Variants in NKD1 observed in about 807,000 individuals in gnomAD.
NKD1 encodes the protein NKD inhibitor of Wnt signaling pathway 1.
Under a neutral mutation model 56.0 loss-of-function variants are expected in NKD1, and 21 were observed. That is an observed-to-expected ratio of 0.38 (90% CI 0.27 to 0.54). The LOEUF is 0.54. Ranked by LOEUF, NKD1 falls within the 20% of genes least tolerant of loss-of-function variation. The pLI, the probability that NKD1 is intolerant of heterozygous loss-of-function variation, is 0.82. For synonymous variants in NKD1, 263 were observed against 265.7 expected (o/e 0.99, Z 0.10); for missense variants, 578 against 642.7 (o/e 0.90, Z 1.09).
At chr16:50,606,942 G>A (rs759539302) in intron 3 of NKD1, 15 of 456,568 alleles carry the variant, frequency 3.3e-5, no homozygotes, top group Non-Finnish European at 4.8e-5. Flanking sequence ...TCCTGTCATC[G>A]TCTCCCAGCT....
chr16:50,582,349 T>A (rs575689565), intron 3 of NKD1, among the ~76,000 whole-genome samples: 7 of 152,340 alleles, frequency 4.6e-5, no homozygotes, highest in African/African-American at 1.7e-4. Context: ...GAGAGAGAGC[T>A]GCCCCCTCCC....
In NKD1 at chr16:50,632,146, C is replaced by G. The variant is rs878999230; in HGVS notation, c.696-135C>G. ...ACAGTTCGTATAGAGGACTGTTCCT[C>G]CCCACCCTCTCCAAAGGCCAAGAAG... is the stretch of plus-strand genomic sequence containing the variant. On this transcript the variant is annotated intron_variant, in intron 8 of 9. Transcript: ENST00000268459. The surrounding 1 kb of genome is among the most constrained non-coding windows in gnomAD (Gnocchi z 4.1). 1.3e-6 allele frequency: 1 copy of G among 796,838 alleles called. No homozygotes were observed. The highest frequency in any genetic ancestry group is 2.0e-6 in the Non-Finnish European group (1 of 498,950). The allele number at this position is 796,838 out of a possible 1,614,324, so 49.4% of individuals were successfully genotyped here. A position where few individuals can be genotyped will look rare whatever the true frequency, so the allele number is the denominator to read the frequency against.
In NKD1 at chr16:50,640,070, C is replaced by T. The variant is rs1962550583; in HGVS notation, c.*6289C>T. 1 of 152,168 alleles carries T rather than the reference C, an allele frequency of 6.6e-6. No individual in the cohort carries two copies. Among genetic ancestry groups the T allele is most frequent in the South Asian group, 2.1e-4 (1 of 4,830 alleles). The allele number at this position is 152,168 out of a possible 1,614,324, so 9.4% of individuals were successfully genotyped here. A position where few individuals can be genotyped will look rare whatever the true frequency, so the allele number is the denominator to read the frequency against. ...TGTTTTGGGGTCACATCTGGTCATA[C>T]CCTTCAGAGAGCTCTTCCCCAGCCT... is the stretch of plus-strand genomic sequence containing the variant. On this transcript the variant is annotated 3_prime_UTR_variant, in exon 10 of 10. Coordinates refer to ENST00000268459, the MANE Select transcript of NKD1 (RefSeq NM_033119.5).
intron 3 of NKD1, chr16:50,570,881 C>A (rs1366268033): frequency 1.9e-5 from 19 of 985,264 alleles, no homozygotes; most frequent in Non-Finnish European, 2.3e-5. Context: ...TGGAATGTGG[C>A]TGGCAGGTAT....
intron 2 of NKD1, 115 bp from the exon 3 acceptor site, chr16:50,549,307 C>T (rs1269118264): frequency 7.3e-7 from 1 of 1,365,842 alleles, no homozygotes; most frequent in Non-Finnish European, 9.9e-7. Flanking sequence ...CGAACCCCCT[C>T]CTGGCCCCCG....
In NKD1 at chr16:50,621,670, G is replaced by A. The variant is rs199950234; in HGVS notation, c.328G>A (p.Glu110Lys). 1.1e-5 allele frequency: 18 copies of A among 1,614,042 alleles called. No homozygotes were observed. Among genetic ancestry groups the A allele is most frequent in the African/African-American group, 8.0e-5 (6 of 75,070 alleles). Residue 110 changes from glutamate to lysine, a missense_variant, in exon 5 of 10, where the codon GAA becomes AAA. By Grantham distance (56) the Glu-to-Lys change is moderately conservative. Coordinates refer to ENST00000268459, the MANE Select transcript of NKD1 (RefSeq NM_033119.5). ...TGAGAAGAAGATGGAGAGAGTGAGC[G>A]AACCCTGCCCAGGCTCCAAGAAGCA... ...GDEKKMERVS[E>K]PCPGSKKQLK...
rs138964473 is a variant in NKD1 at position 50,598,262 on chromosome 16, T to TGTGTGTGTGTGCGC, written c.193-10031_193-10030insTGTGTGTGTGCGCG. Among the ~76,000 whole-genome samples, 97 of 148,660 alleles carry TGTGTGTGTGTGCGC rather than the reference T, an allele frequency of 6.5e-4. 1 individual carries two copies. Among genetic ancestry groups the TGTGTGTGTGTGCGC allele is most frequent in the African/African-American group, 2.0e-3 (78 of 39,156 alleles). ...GTGTGTGTGTGTGTGTGTGTGTGTG[T>TGTGTGTGTGTGCGC]GCGCGCACACCTGTGCTCATGGACA... is the stretch of plus-strand genomic sequence containing the variant. On this transcript the variant is annotated intron_variant, in intron 3 of 9. Transcript: ENST00000268459. The surrounding 1 kb of genome is among the most constrained non-coding windows in gnomAD (Gnocchi z 4.2).
At chr16:50,611,969 G>A (rs2151276385) in intron 4 of NKD1, among the ~76,000 whole-genome samples, 1 of 152,246 alleles carries the variant, frequency 6.6e-6, no homozygotes, top group Non-Finnish European at 1.5e-5. Flanking sequence ...GTCAGCCCGT[G>A]TTTATAATCA....
At position 50,575,482 on chromosome 16, in the gene NKD1, A is replaced by G. The variant is rs899031295; in HGVS notation, c.192+25927A>G. On this transcript the variant is annotated intron_variant, in intron 3 of 9. Coordinates refer to ENST00000268459, the MANE Select transcript of NKD1 (RefSeq NM_033119.5). ...CCCTTTGACAGGTGATCTTGTGGCA[A>G]TATTCCCCCCAGAAATAACGTGGGC... 7.5e-6 allele frequency: 3 copies of G among 400,224 alleles called. No individual in the cohort carries two copies. The South Asian group carries it at 3.1e-4, about 41-fold the overall frequency. 24.8% of individuals were successfully genotyped at this position (400,224 alleles called of 1,614,324 possible). A position where few individuals can be genotyped will look rare whatever the true frequency, so the allele number is the denominator to read the frequency against.
intron 4 of NKD1, among the ~76,000 whole-genome samples, chr16:50,617,824 T>C (rs930203443): frequency 1.3e-5 from 2 of 152,216 alleles, no homozygotes; most frequent in African/African-American, 4.8e-5. Flanking sequence ...TAGGTGAAAC[T>C]GTCTGTGCCC....
chr16:50,590,405 G>A, intron 3 of NKD1, among the ~76,000 whole-genome samples: 1 of 152,222 alleles, frequency 6.6e-6, no homozygotes, highest in Non-Finnish European at 1.5e-5. Context: ...TGCTAAAGAT[G>A]TTTAGAAACA....
At chr16:50,599,082 G>A (rs966620896) in intron 3 of NKD1, among the ~76,000 whole-genome samples, 2 of 152,098 alleles carry the variant, frequency 1.3e-5, no homozygotes, top group Non-Finnish European at 2.9e-5. Flanking sequence ...CTCTGCAGCC[G>A]GCCAGAAGTG....
chr16:50,615,163 C>CA (rs1346722251), intron 4 of NKD1, among the ~76,000 whole-genome samples: 1 of 152,128 alleles, frequency 6.6e-6, no homozygotes, highest in Non-Finnish European at 1.5e-5. Flanking sequence ...CAGGTGTCAG[C>CA]TATTGTGGTC....
Position 50,602,172 on chromosome 16 carries a change from G to A in NKD1, c.193-6122G>A, listed in dbSNP as rs372775820. Among the ~76,000 whole-genome samples the A allele has an allele frequency of 9.2e-5, 14 of 152,336 alleles. No homozygotes were observed. In the South Asian group the frequency reaches 2.1e-3, roughly 23 times the overall value. On this transcript the variant is annotated intron_variant, in intron 3 of 9. Transcript: ENST00000268459. ...CCTGGGAATGAGAGGGAGGCTGTGT[G>A]GGCAGAGATAACAGGTCCGCAGGGG... is the stretch of plus-strand genomic sequence containing the variant.
chr16:50,566,224 G>A (rs1230592624), intron 3 of NKD1: 9 of 980,092 alleles, frequency 9.2e-6, no homozygotes, highest in Non-Finnish European at 8.5e-6. Context: ...TTCTTGGCTT[G>A]TGTAACCAGG....
chr16:50,633,860 A>G lies in NKD1; in HGVS notation c.*79A>G. On this transcript the variant is annotated 3_prime_UTR_variant, in exon 10 of 10. Transcript: ENST00000268459. The surrounding 1 kb of genome is among the most constrained non-coding windows in gnomAD (Gnocchi z 4.9). The stretch of plus-strand genomic sequence containing the variant: ...ACAAGGCATTATTATTCTATTAATT[A>G]TTGTTATTATGATGATTATTGTTAT... The G allele has an allele frequency of 1.5e-6, 1 of 652,652 alleles. No homozygotes were observed. The highest frequency in any genetic ancestry group is 3.0e-5 in the East Asian group (1 of 33,130). 40.4% of individuals were successfully genotyped at this position (652,652 alleles called of 1,614,324 possible).
At position 50,637,124 on chromosome 16, in the gene NKD1, C is replaced by T. The variant is rs761017723; in HGVS notation, c.*3343C>T. ...TAAGGGTCATCTCTCATCCCAGGCT[C>T]TGGCGAACACTGTGCTGAGAGTCCT... is the stretch of plus-strand genomic sequence containing the variant. On this transcript the variant is annotated 3_prime_UTR_variant, in exon 10 of 10. Coordinates refer to ENST00000268459, the MANE Select transcript of NKD1 (RefSeq NM_033119.5). The T allele has an allele frequency of 1.3e-5, 2 of 152,236 alleles. No homozygotes were observed. Among genetic ancestry groups the T allele is most frequent in the Non-Finnish European group, 2.9e-5 (2 of 68,058 alleles). The allele number at this position is 152,236 out of a possible 1,614,324, so 9.4% of individuals were successfully genotyped here.
intron 8 of NKD1, among the ~76,000 whole-genome samples, 161 bp downstream of exon 8, chr16:50,631,071 A>C (rs1411841402): frequency 6.6e-6 from 1 of 152,232 alleles, no homozygotes; most frequent in Non-Finnish European, 1.5e-5. Context: ...TTAACAAATA[A>C]CTACATGTAG....
chr16:50,636,656 G>A lies in NKD1; in HGVS notation c.*2875G>A, dbSNP rs1962474526. 1.3e-5 allele frequency: 2 copies of A among 152,212 alleles called. No individual in the cohort carries two copies. Among genetic ancestry groups the A allele is most frequent in the Non-Finnish European group, 2.9e-5 (2 of 68,030 alleles). The allele number at this position is 152,212 out of a possible 1,614,324, so 9.4% of individuals were successfully genotyped here. A position where few individuals can be genotyped will look rare whatever the true frequency, so the allele number is the denominator to read the frequency against. On this transcript the variant is annotated 3_prime_UTR_variant, in exon 10 of 10. Coordinates refer to ENST00000268459, the MANE Select transcript of NKD1 (RefSeq NM_033119.5). ...TCTCCTTTATAAAGGCAGGGATCAT[G>A]AGAGTGCCTGTCCCTTGTGAGCACT...
Sources: gnomAD v4.1 joint callset for allele counts (sites outside exome capture counted in the v4.1 genomes callset) on GRCh38, gnomAD v4.1.1 for gene constraint, Gnocchi (gnomAD v3.1) non-coding constraint, MANE v1.5 for transcripts, NCBI Gene and HGNC (gene_info 2026-07-23, HGNC 2026-07-21) for gene names.